The following STAG1 variants were observed in gnomAD, a reference collection of about 807,000 sequenced individuals.
STAG1 encodes cohesin subunit SA-1.
In STAG1, 26 loss-of-function variants were observed where a neutral mutation model predicts 170.9. The ratio of observed to expected loss-of-function variants is 0.15; its 90% CI spans 0.11 to 0.21. STAG1 has a LOEUF of 0.21. Ranked by LOEUF, STAG1 falls within the 10% of genes least tolerant of loss-of-function variation. The pLI is 1.00. For missense variants in STAG1, 964 were observed against 1,509.5 expected, an observed-to-expected ratio of 0.64 and a Z score of 5.99; for synonymous variants, 514 against 497.7, an observed-to-expected ratio of 1.03 and a Z score of -0.44.
intron 1 of STAG1, among the ~76,000 whole-genome samples, chr3:136,644,662 T>C (rs1183245194): frequency 6.6e-6 from 1 of 152,238 alleles, no homozygotes; most frequent in Admixed American, 6.5e-5. Context: ...TAGACTCATT[T>C]CTTACATCTC....
intron 28 of STAG1, among the ~76,000 whole-genome samples, chr3:136,355,731 G>T (rs1175227232): frequency 2.0e-5 from 3 of 152,076 alleles, no homozygotes; most frequent in Non-Finnish European, 4.4e-5. Flanking sequence ...TACAATGCAT[G>T]ATCTCTGACC....
chr3:136,619,093 A>G (rs781409581), intron 3 of STAG1, among the ~76,000 whole-genome samples: 1 of 152,116 alleles, frequency 6.6e-6, no homozygotes, highest in Admixed American at 6.6e-5. Context: ...CAAATGTAGT[A>G]AAATGCTAAC....
intron 15 of STAG1, among the ~76,000 whole-genome samples, chr3:136,435,369 A>G (rs1210947180): frequency 6.6e-6 from 1 of 152,240 alleles, no homozygotes; most frequent in Admixed American, 6.5e-5. Flanking sequence ...GCAGTAGAGC[A>G]TTCAAATATA....
intron 21 of STAG1, among the ~76,000 whole-genome samples, chr3:136,413,241 C>T (rs1291893788): frequency 6.8e-6 from 1 of 147,474 alleles, no homozygotes; most frequent in Non-Finnish European, 1.5e-5. Context: ...ATAATGTATA[C>T]TATATATAAT....
Position 136,359,132 on chromosome 3 carries a change from T to C in STAG1, c.2936+16A>G. 6 of 1,589,744 alleles carry C rather than the reference T, an allele frequency of 3.8e-6. No homozygotes were observed. Among genetic ancestry groups the C allele is most frequent in the Non-Finnish European group, 5.1e-6 (6 of 1,165,730 alleles). ...GTAAATCAGATTCTGCATAACAAAGTGTTTATCTCACTCACTTGTGAAGTG... is the reference window on the plus strand; with the variant it reads ...GTAAATCAGATTCTGCATAACAAAGCGTTTATCTCACTCACTTGTGAAGTG... On this transcript the variant is annotated intron_variant, in intron 27 of 33. Transcript: ENST00000383202.
At position 136,398,882 on chromosome 3, in the gene STAG1, C is replaced by G. The variant is rs1319447864; in HGVS notation, c.2197-53G>C. 6 of 1,103,174 alleles carry G rather than the reference C, an allele frequency of 5.4e-6. No homozygotes were observed. The East Asian group carries it at 1.2e-4, about 22-fold the overall frequency. 68.3% of individuals were successfully genotyped at this position (1,103,174 alleles called of 1,614,324 possible). ...AATGAAAAATTCAAAAAAATGAGAT[C>G]ATCTGTTTGCACCGTGCTAAGATAA... On this transcript the variant is annotated intron_variant, in intron 21 of 33. Coordinates refer to ENST00000383202, the MANE Select transcript of STAG1 (RefSeq NM_005862.3).
chr3:136,421,058 A>T, intron 20 of STAG1, 35 bp downstream of exon 20: 1 of 1,402,726 alleles, frequency 7.1e-7, no homozygotes, highest in Non-Finnish European at 9.9e-7. Context: ...GGCATGAGCC[A>T]CCTCGTTGCC....
chr3:136,701,438 T>C (rs779779031), intron 1 of STAG1, among the ~76,000 whole-genome samples: 9 of 151,902 alleles, frequency 5.9e-5, no homozygotes, highest in Admixed American at 1.3e-4. Flanking sequence ...AAAAGGAAAA[T>C]AGTCTCTATA....
At chr3:136,546,328 C>T (rs1191412444) in intron 5 of STAG1, among the ~76,000 whole-genome samples, 1 of 152,134 alleles carries the variant, frequency 6.6e-6, no homozygotes, top group Non-Finnish European at 1.5e-5. Context: ...ACCTGTGGCA[C>T]ATGGACTCCA....
At chr3:136,621,359 C>T (rs1939841205) in intron 3 of STAG1, among the ~76,000 whole-genome samples, 1 of 152,144 alleles carries the variant, frequency 6.6e-6, no homozygotes, top group Non-Finnish European at 1.5e-5. Flanking sequence ...ATTCATTCTC[C>T]TACCTTTAAG....
At chr3:136,521,939 T>G (rs147375163) in intron 6 of STAG1, among the ~76,000 whole-genome samples, 1 of 152,240 alleles carries the variant, frequency 6.6e-6, no homozygotes, top group South Asian at 2.1e-4. Context: ...AATTTTACTA[T>G]GAACTTCATT....
chr3:136,690,056 CAAAAAAAAAAA>C (rs57082567), intron 1 of STAG1, among the ~76,000 whole-genome samples: 12 of 56,372 alleles, frequency 2.1e-4, no homozygotes, highest in South Asian at 7.8e-4. Context: ...AAAAGCAAAC[CAAAAAAAAAAA>C]AAAAAAAAAA....
At chr3:136,481,032 C>A (rs1415771329) in intron 9 of STAG1, among the ~76,000 whole-genome samples, 8 of 113,214 alleles carry the variant, frequency 7.1e-5, no homozygotes, top group Non-Finnish European at 1.3e-4. Context: ...CAAACAGGGA[C>A]AATTTGACTT....
intron 9 of STAG1, among the ~76,000 whole-genome samples, chr3:136,491,828 A>T (rs1371885387): frequency 6.6e-6 from 1 of 152,066 alleles, no homozygotes. Flanking sequence ...CCCTGTCTCT[A>T]TTAAAAATAC....
intron 5 of STAG1, among the ~76,000 whole-genome samples, chr3:136,545,096 T>G (rs1936096281): frequency 6.6e-6 from 1 of 152,146 alleles, no homozygotes; most frequent in African/African-American, 2.4e-5. Flanking sequence ...TTGTCCAAGA[T>G]GGAGTGCAAT....
intron 2 of STAG1, among the ~76,000 whole-genome samples, chr3:136,625,399 A>C (rs1225108886): frequency 6.6e-6 from 1 of 152,172 alleles, no homozygotes. Context: ...CAGATCTCTG[A>C]CTCAGGATTT....
At chr3:136,587,757 C>T (rs996828373) in intron 4 of STAG1, among the ~76,000 whole-genome samples, 16 of 152,012 alleles carry the variant, frequency 1.1e-4, no homozygotes, top group Non-Finnish European at 2.4e-4. Flanking sequence ...GAGGTGGAGA[C>T]CAGCTTGGCC....
In STAG1 at chr3:136,582,767, C is replaced by T. The variant is rs144990019; in HGVS notation, c.298-13906G>A. ...TGAGCAGAGATCAAGCCACTGTACT[C>T]CAGCCTAGGCAACAGAGTCAGACTC... On this transcript the variant is annotated intron_variant, in intron 4 of 33. Coordinates refer to ENST00000383202, the MANE Select transcript of STAG1 (RefSeq NM_005862.3). Among the ~76,000 whole-genome samples, 129 of 152,134 alleles carry T rather than the reference C, an allele frequency of 8.5e-4. No homozygotes were observed. In the East Asian group the frequency reaches 0.021, roughly 24 times the overall value.
intron 1 of STAG1, among the ~76,000 whole-genome samples, chr3:136,631,497 G>A (rs1057324683): frequency 5.9e-5 from 9 of 152,122 alleles, no homozygotes; most frequent in African/African-American, 2.2e-4. Flanking sequence ...AAAACAGCAG[G>A]AGTCCAAAAA....
Sources: gnomAD v4.1 joint callset for allele counts (sites outside exome capture counted in the v4.1 genomes callset) on GRCh38, gnomAD v4.1.1 for gene constraint, MANE v1.5 for transcripts, NCBI Gene and HGNC (gene_info 2026-07-23, HGNC 2026-07-21) for gene names.